Variants in NKAIN2 observed in about 807,000 individuals in gnomAD.
The protein encoded by NKAIN2 is sodium/potassium transporting ATPase interacting 2, also known as sodium/potassium-transporting ATPase subunit beta-1-interacting protein 2.
Under a neutral mutation model 32.6 loss-of-function variants are expected in NKAIN2, and 14 were observed. The observed-to-expected ratio is 0.43, with a 90% CI of 0.28 to 0.67. The LOEUF (loss-of-function observed/expected upper bound fraction) is 0.67. Among genes scored for constraint, NKAIN2 ranks in the 30% least tolerant of loss-of-function variants. The pLI, the probability that NKAIN2 is intolerant of heterozygous loss-of-function variation, is 0.17. For missense variants in NKAIN2, 198 were observed against 258.3 expected, an observed-to-expected ratio of 0.77 and a Z score of 1.60; for synonymous variants, 80 against 87.2, an observed-to-expected ratio of 0.92 and a Z score of 0.46.
intron 1 of NKAIN2, among the ~76,000 whole-genome samples, chr6:123,867,339 A>G (rs967923097): frequency 6.6e-6 from 1 of 152,190 alleles, no homozygotes; most frequent in African/African-American, 2.4e-5. Flanking sequence ...ATTTTTGGCT[A>G]TGTTTATATT....
At chr6:124,337,673 C>T (rs1797935623) in intron 2 of NKAIN2, among the ~76,000 whole-genome samples, 2 of 152,140 alleles carry the variant, frequency 1.3e-5, no homozygotes, top group Admixed American at 1.3e-4. Flanking sequence ...TCAGAAGCTC[C>T]CTATAGGTGA....
intron 3 of NKAIN2, among the ~76,000 whole-genome samples, chr6:124,601,601 A>G (rs570956386): frequency 2.6e-5 from 4 of 152,038 alleles, no homozygotes; most frequent in Non-Finnish European, 5.9e-5. Flanking sequence ...TTACTGTAGG[A>G]AGTGCATTGT....
At chr6:124,171,547 A>ATTTTTTTTTTTTTTTTTTTTTTTTTTT (rs10665262) in intron 1 of NKAIN2, among the ~76,000 whole-genome samples, 1 of 96,470 alleles carries the variant, frequency 1.0e-5, no homozygotes, top group Non-Finnish European at 1.9e-5. Flanking sequence ...GGCCGATTTG[A>ATTTTTTTTTTTTTTTTTTTTTTTTTTT]TTTTTTTTTT....
chr6:124,336,483 T>G (rs1797864397), intron 2 of NKAIN2, among the ~76,000 whole-genome samples: 1 of 152,182 alleles, frequency 6.6e-6, no homozygotes, highest in Admixed American at 6.5e-5. Context: ...TGTTACTTTG[T>G]GGGGATTTGA....
At chr6:124,537,507 T>C (rs1779760152) in intron 3 of NKAIN2, among the ~76,000 whole-genome samples, 1 of 152,360 alleles carries the variant, frequency 6.6e-6, no homozygotes, top group African/African-American at 2.4e-5. Flanking sequence ...ATTTACTTTA[T>C]TGTTTGCAGT....
At chr6:123,960,484 A>G (rs112395990) in intron 1 of NKAIN2, among the ~76,000 whole-genome samples, 158 of 152,180 alleles carry the variant, frequency 1.0e-3, no homozygotes, top group African/African-American at 3.7e-3. Flanking sequence ...TGTCAGCTGG[A>G]TCTCTCAAGG....
chr6:124,676,999 C>T (rs1027079749), intron 4 of NKAIN2, among the ~76,000 whole-genome samples: 16 of 151,996 alleles, frequency 1.1e-4, no homozygotes, highest in Admixed American at 5.2e-4. Context: ...GACAGTGTCT[C>T]GCTCTGTCGC....
intron 1 of NKAIN2, among the ~76,000 whole-genome samples, chr6:124,010,614 C>A (rs908553156): frequency 6.6e-6 from 1 of 150,892 alleles, no homozygotes; most frequent in Non-Finnish European, 1.5e-5. Flanking sequence ...AAGTACTTAA[C>A]CTTTCTTTAC....
At chr6:123,821,209 C>T (rs1038058835) in intron 1 of NKAIN2, among the ~76,000 whole-genome samples, 1 of 152,132 alleles carries the variant, frequency 6.6e-6, no homozygotes, top group Admixed American at 6.5e-5. Flanking sequence ...TGAGACGTAG[C>T]CACTGGATAT....
At chr6:124,050,403 G>T (rs1057267599) in intron 1 of NKAIN2, among the ~76,000 whole-genome samples, 3 of 152,014 alleles carry the variant, frequency 2.0e-5, no homozygotes, top group Non-Finnish European at 2.9e-5. Context: ...AGTAGAACCT[G>T]TGTCACATCC....
At position 123,975,700 on chromosome 6, in the gene NKAIN2, A is replaced by G. The variant is rs76322135; in HGVS notation, c.54+171446A>G. ...GCACCTTCTTGCTGTGTCTTCACATAGCAAAAGAAGAGAGTCTCTTAGCCC... is the reference window on the plus strand; with the variant it reads ...GCACCTTCTTGCTGTGTCTTCACATGGCAAAAGAAGAGAGTCTCTTAGCCC... On this transcript the variant is annotated intron_variant, in intron 1 of 6. Transcript: ENST00000368417. 2.4e-4 allele frequency among the ~76,000 whole-genome samples: 36 copies of G among 152,272 alleles called. 1 individual carries two copies. The East Asian group carries it at 6.6e-3, about 28-fold the overall frequency.
rs560134976 is a variant in NKAIN2 at position 123,833,973 on chromosome 6, G to A, written c.54+29719G>A. The stretch of plus-strand genomic sequence containing the variant: ...AAACACCCGACCTCTTGATCCACCC[G>A]CCTCAGCCTCCCAAAGTCCTGGGAT... On this transcript the variant is annotated intron_variant, in intron 1 of 6. Transcript: ENST00000368417. 6.6e-5 allele frequency among the ~76,000 whole-genome samples: 10 copies of A among 151,736 alleles called. No individual in the cohort carries two copies. The South Asian group carries it at 1.7e-3, about 25-fold the overall frequency.
chr6:124,408,947 G>C (rs376198828), intron 3 of NKAIN2, among the ~76,000 whole-genome samples: 16 of 152,134 alleles, frequency 1.1e-4, no homozygotes, highest in African/African-American at 2.4e-4. Context: ...GTATTTTATT[G>C]TCTTTGAAGC....
intron 1 of NKAIN2, among the ~76,000 whole-genome samples, chr6:123,831,908 C>A (rs1335847303): frequency 2.0e-5 from 3 of 152,152 alleles, no homozygotes; most frequent in Non-Finnish European, 2.9e-5. Context: ...CCCGCCTCGG[C>A]CTTGCAAAGT....
chr6:124,534,574 G>T (rs1235269207), intron 3 of NKAIN2, among the ~76,000 whole-genome samples: 1 of 152,256 alleles, frequency 6.6e-6, no homozygotes, highest in Non-Finnish European at 1.5e-5. Flanking sequence ...GAGTATGACA[G>T]ATAGTCGGTT....
At chr6:124,174,871 T>G (rs1284006441) in intron 1 of NKAIN2, among the ~76,000 whole-genome samples, 1 of 152,158 alleles carries the variant, frequency 6.6e-6, no homozygotes, top group Non-Finnish European at 1.5e-5. Flanking sequence ...TGCAGTTGAC[T>G]TATATATCTC....
chr6:124,314,428 C>T (rs770738555), intron 2 of NKAIN2, among the ~76,000 whole-genome samples: 2 of 152,020 alleles, frequency 1.3e-5, no homozygotes, highest in Non-Finnish European at 2.9e-5. Flanking sequence ...AAAATGTGCT[C>T]TGAGGTGCAG....
intron 1 of NKAIN2, among the ~76,000 whole-genome samples, chr6:124,279,429 C>T: frequency 6.6e-6 from 1 of 150,720 alleles, no homozygotes; most frequent in East Asian, 2.0e-4. Context: ...ATGGCGTGAA[C>T]CTGGGAGGCA....
intron 1 of NKAIN2, among the ~76,000 whole-genome samples, chr6:124,160,137 C>G (rs1788197187): frequency 6.6e-6 from 1 of 152,112 alleles, no homozygotes. Context: ...AGATAATATA[C>G]CTAGTGAGAA....
Sources: gnomAD v4.1 joint callset for allele counts (sites outside exome capture counted in the v4.1 genomes callset) on GRCh38, gnomAD v4.1.1 for gene constraint, MANE v1.5 for transcripts, NCBI Gene and HGNC (gene_info 2026-07-23, HGNC 2026-07-21) for gene names.